Variants in ARHGEF7 observed in about 807,000 individuals in gnomAD.
The protein encoded by ARHGEF7 is Rho guanine nucleotide exchange factor 7.
ARHGEF7 carries 33 observed loss-of-function variants against 109.8 expected under a neutral mutation model. The ratio of observed to expected loss-of-function variants is 0.30; its 90% CI spans 0.23 to 0.40. ARHGEF7 has a LOEUF of 0.40. Among genes scored for constraint, ARHGEF7 ranks in the 10% least tolerant of loss-of-function variants. ARHGEF7 has a pLI of 1.00. For missense variants in ARHGEF7, 938 were observed against 1,098.5 expected, an observed-to-expected ratio of 0.85 and a Z score of 2.07; for synonymous variants, 458 against 424.6, an observed-to-expected ratio of 1.08 and a Z score of -0.97.
In ARHGEF7 at chr13:111,273,859, T is replaced by C. The variant is rs2092327181; in HGVS notation, c.1119T>C (p.Pro373=). ...TGGAGACCAAAGGTGCCAGCAGCCCTGGGATTCTCGTGCTGACCACGGGCC... is the reference window on the plus strand; with the variant it reads ...TGGAGACCAAAGGTGCCAGCAGCCCCGGGATTCTCGTGCTGACCACGGGCC... The part of the protein sequence containing the change: ...EFMETKGASS[P]GILVLTTGLS... Residue 373 remains proline (P), a synonymous_variant, in exon 10 of 22, where the codon CCT becomes CCC. Coordinates refer to ENST00000646102, the MANE Select transcript of ARHGEF7 (RefSeq NM_001354046.2). This position sits in a 1 kb window ranked among gnomAD's most constrained non-coding sequence, Gnocchi z 4.5. 6.2e-7 allele frequency: 1 copy of C among 1,614,048 alleles called. No homozygotes were observed. Among genetic ancestry groups the C allele is most frequent in the South Asian group, 1.1e-5 (1 of 91,076 alleles).
At chr13:111,170,100 C>T (rs914779817) in intron 2 of ARHGEF7, among the ~76,000 whole-genome samples, 1 of 152,164 alleles carries the variant, frequency 6.6e-6, no homozygotes, top group African/African-American at 2.4e-5. Flanking sequence ...ACAAGCTAGC[C>T]ACTCTTCTTT....
intron 2 of ARHGEF7, among the ~76,000 whole-genome samples, chr13:111,178,375 AAT>A (rs1196148172): frequency 1.3e-5 from 2 of 152,282 alleles, no homozygotes; most frequent in African/African-American, 4.8e-5. Context: ...TCTTATCCAA[AAT>A]ATGTGTTTTT....
At chr13:111,124,465 G>A (rs1042990187) in intron 1 of ARHGEF7, among the ~76,000 whole-genome samples, 4 of 152,226 alleles carry the variant, frequency 2.6e-5, no homozygotes, top group Admixed American at 6.5e-5. Flanking sequence ...CCTCACCTTG[G>A]CTCCTGTCCA....
chr13:111,201,547 A>G (rs1290563787), intron 2 of ARHGEF7, among the ~76,000 whole-genome samples: 1 of 152,176 alleles, frequency 6.6e-6, no homozygotes, highest in Non-Finnish European at 1.5e-5. Flanking sequence ...GTTATTTTGC[A>G]TTTTTAAAAG....
chr13:111,213,975 G>T (rs1406679909), intron 4 of ARHGEF7, among the ~76,000 whole-genome samples: 1 of 152,136 alleles, frequency 6.6e-6, no homozygotes, highest in Non-Finnish European at 1.5e-5. Context: ...AGAGTAATAG[G>T]CAGAAAGAAC....
rs1394634939 is a variant in ARHGEF7, at chr13:111,257,161, C to T, written c.951-10387C>T. On this transcript the variant is annotated intron_variant, in intron 8 of 21. Transcript: ENST00000646102. ...GGGATTTTCCCCCCACCCAGCTCTC[C>T]TTACTATTCCCTTTGTTTGGAATCA... 3.3e-5 allele frequency among the ~76,000 whole-genome samples: 5 copies of T among 152,238 alleles called. No homozygotes were observed. In the East Asian group the frequency reaches 9.6e-4, roughly 29 times the overall value.
chr13:111,164,792 G>A (rs918799160), intron 2 of ARHGEF7, among the ~76,000 whole-genome samples: 1 of 152,104 alleles, frequency 6.6e-6, no homozygotes, highest in Non-Finnish European at 1.5e-5. Flanking sequence ...AGCGGAATCG[G>A]GATAAGAATA....
Position 111,258,513 on chromosome 13 carries a change from C to T in ARHGEF7, c.951-9035C>T, listed in dbSNP as rs767530646. 9.9e-5 allele frequency among the ~76,000 whole-genome samples: 15 copies of T among 152,220 alleles called. No homozygotes were observed. Among genetic ancestry groups the T allele is most frequent in the Non-Finnish European group, 2.1e-4 (14 of 68,036 alleles). On this transcript the variant is annotated intron_variant, in intron 8 of 21. Coordinates refer to ENST00000646102, the MANE Select transcript of ARHGEF7 (RefSeq NM_001354046.2). This position sits in a 1 kb window ranked among gnomAD's most constrained non-coding sequence, Gnocchi z 4.4. ...GGGAACCCACTGCTTGGAAGGGAAG[C>T]ACCCAGTTCCTGTCAGGATCCATCA...
At chr13:111,249,594 A>G (rs967404035) in intron 8 of ARHGEF7, among the ~76,000 whole-genome samples, 1 of 152,076 alleles carries the variant, frequency 6.6e-6, no homozygotes, top group Non-Finnish European at 1.5e-5. Context: ...GTTCTCTTTC[A>G]CGGGAAGGGT....
intron 4 of ARHGEF7, 129 bp downstream of exon 4, chr13:111,210,131 C>T: frequency 1.7e-6 from 2 of 1,204,650 alleles, no homozygotes; most frequent in Non-Finnish European, 2.3e-6. Flanking sequence ...GACTTCGCCT[C>T]CGTTGTGCCT....
chr13:111,205,945 G>C (rs2081776978), intron 3 of ARHGEF7, among the ~76,000 whole-genome samples: 1 of 152,080 alleles, frequency 6.6e-6, no homozygotes, highest in Non-Finnish European at 1.5e-5. Flanking sequence ...GACAGGAGTT[G>C]TTCAGACAGG....
At chr13:111,276,282 A>G (rs1227843853) in intron 12 of ARHGEF7, among the ~76,000 whole-genome samples, 1 of 152,208 alleles carries the variant, frequency 6.6e-6, no homozygotes, top group African/African-American at 2.4e-5. Flanking sequence ...CTACCTTTGC[A>G]AAAATAACAT....
intron 3 of ARHGEF7, among the ~76,000 whole-genome samples, chr13:111,205,955 G>T (rs2081778060): frequency 6.6e-6 from 1 of 152,088 alleles, no homozygotes; most frequent in Non-Finnish European, 1.5e-5. Context: ...GTTCAGACAG[G>T]TCCTCTGAGG....
chr13:111,292,859 C>T (rs1234697548), intron 19 of ARHGEF7: 1 of 990,716 alleles, frequency 1.0e-6, no homozygotes, highest in South Asian at 4.6e-5. Flanking sequence ...TTCTGGTAAT[C>T]GTGCAGAACA....
chr13:111,203,095 C>T, intron 2 of ARHGEF7: 8 of 1,283,414 alleles, frequency 6.2e-6, no homozygotes, highest in Non-Finnish European at 8.1e-6. Flanking sequence ...GGTTTTGTGA[C>T]TTGCTGCCTT....
At chr13:111,256,214 T>C (rs187810375) in intron 8 of ARHGEF7, among the ~76,000 whole-genome samples, 76 of 152,178 alleles carry the variant, frequency 5.0e-4, no homozygotes, top group African/African-American at 1.8e-3. Context: ...GGCAGGAAGG[T>C]TTCACTTGGA....
intron 5 of ARHGEF7, among the ~76,000 whole-genome samples, chr13:111,221,533 C>CTATATATATAGATACATATCTA (rs559489504): frequency 3.0e-5 from 1 of 33,810 alleles, no homozygotes; most frequent in Non-Finnish European, 5.7e-5. Flanking sequence ...CTATATATAT[C>CTATATATATAGATACATATCTA]TATATATAGA....
At chr13:111,206,202 G>A (rs553756604) in intron 3 of ARHGEF7, among the ~76,000 whole-genome samples, 1 of 151,432 alleles carries the variant, frequency 6.6e-6, no homozygotes, top group Non-Finnish European at 1.5e-5. Context: ...ATTTTGTCGG[G>A]GTCGCTTCTC....
chr13:111,127,059 G>C (rs1594840182), intron 1 of ARHGEF7, among the ~76,000 whole-genome samples: 3 of 152,228 alleles, frequency 2.0e-5, no homozygotes, highest in Admixed American at 6.5e-5. Flanking sequence ...ACGGGGAAAA[G>C]ACAGAAATTA....
Sources: gnomAD v4.1 joint callset for allele counts (sites outside exome capture counted in the v4.1 genomes callset) on GRCh38, gnomAD v4.1.1 for gene constraint, Gnocchi (gnomAD v3.1) non-coding constraint, MANE v1.5 for transcripts, NCBI Gene and HGNC (gene_info 2026-07-23, HGNC 2026-07-21) for gene names.